Variants in PPP1CB observed in about 807,000 individuals in gnomAD.
The protein encoded by PPP1CB is protein phosphatase 1 catalytic subunit beta.
PPP1CB carries 2 observed loss-of-function variants against 43.7 expected under a neutral mutation model. The observed-to-expected ratio is 0.05, with a 90% CI of 0.02 to 0.14. The LOEUF (loss-of-function observed/expected upper bound fraction) is 0.14. Among genes scored for constraint, PPP1CB ranks in the 10% least tolerant of loss-of-function variants. The pLI is 1.00. For synonymous variants in PPP1CB, 136 were observed against 135.6 expected (o/e 1.00, Z -0.02); for missense variants, 84 against 398.0 (o/e 0.21, Z 6.71).
rs976610984 is a variant in PPP1CB at position 28,783,616 on chromosome 2, A to G, written c.521-291A>G. Among the ~76,000 whole-genome samples, 9 of 152,036 alleles carry G rather than the reference A, an allele frequency of 5.9e-5. No homozygotes were observed. The East Asian group carries it at 7.8e-4, about 13-fold the overall frequency. On this transcript the variant is annotated intron_variant, in intron 4 of 7. Transcript: ENST00000395366. ...ACTAAAAATACAAAAAATTAGCTGGATGTGGTGGCGCGCGTCTGTAGTCCC... is the reference window on the plus strand; with the variant it reads ...ACTAAAAATACAAAAAATTAGCTGGGTGTGGTGGCGCGCGTCTGTAGTCCC...
chr2:28,761,053 A>G (rs989084229), intron 1 of PPP1CB, among the ~76,000 whole-genome samples: 1 of 152,146 alleles, frequency 6.6e-6, no homozygotes, highest in Admixed American at 6.5e-5. Flanking sequence ...GGCGCCTGCC[A>G]CCATGCCCAG....
intron 4 of PPP1CB, among the ~76,000 whole-genome samples, chr2:28,782,265 AAAT>A (rs1667171136): frequency 6.6e-6 from 1 of 152,148 alleles, no homozygotes. Context: ...ATTAACAATA[AAAT>A]AATAAAATAA....
At chr2:28,779,537 T>C (rs1667105709) in intron 3 of PPP1CB, among the ~76,000 whole-genome samples, 1 of 152,216 alleles carries the variant, frequency 6.6e-6, no homozygotes, top group Non-Finnish European at 1.5e-5. Flanking sequence ...TATTTTACTC[T>C]CTTTTTCATT....
intron 6 of PPP1CB, among the ~76,000 whole-genome samples, chr2:28,792,203 G>C (rs1021917920): frequency 1.3e-5 from 2 of 152,034 alleles, no homozygotes; most frequent in Non-Finnish European, 2.9e-5. Flanking sequence ...AGCTGGGCAC[G>C]GTGGCACATG....
At position 28,770,820 on chromosome 2, in the gene PPP1CB, A is replaced by G. The variant is rs548797675; in HGVS notation, c.53-6031A>G. Among the ~76,000 whole-genome samples, 5 of 152,310 alleles carry G rather than the reference A, an allele frequency of 3.3e-5. No individual in the cohort carries two copies. The South Asian group carries it at 6.2e-4, about 19-fold the overall frequency. The stretch of plus-strand genomic sequence containing the variant: ...TATGAAACATTTACTAAAATATACC[A>G]TATGCTATACCATAAAGCACCCCTC... On this transcript the variant is annotated intron_variant, in intron 1 of 7. Transcript: ENST00000395366.
At chr2:28,788,179 T>C (rs889013956) in intron 5 of PPP1CB, among the ~76,000 whole-genome samples, 7 of 152,130 alleles carry the variant, frequency 4.6e-5, no homozygotes, top group African/African-American at 7.2e-5. Flanking sequence ...TGGAGGATAC[T>C]AGCCCTACCA....
At chr2:28,783,834 C>G (rs548489417) in intron 4 of PPP1CB, 73 bp from the exon 5 acceptor site, 159 of 996,668 alleles carry the variant, frequency 1.6e-4, no homozygotes, top group Non-Finnish European at 2.3e-4. Context: ...TGATTAAATG[C>G]TTTTTATTCG....
intron 1 of PPP1CB, among the ~76,000 whole-genome samples, chr2:28,754,653 A>G (rs970333540): frequency 2.6e-5 from 4 of 152,242 alleles, no homozygotes; most frequent in Non-Finnish European, 5.9e-5. Context: ...AGACCTGTTG[A>G]AAGACTTGTC....
chr2:28,796,409 C>A (rs770262218), intron 7 of PPP1CB, among the ~76,000 whole-genome samples: 26 of 152,230 alleles, frequency 1.7e-4, no homozygotes, highest in Admixed American at 4.6e-4. Flanking sequence ...AATATTGATT[C>A]TTCTATCCAT....
chr2:28,767,625 T>C (rs1558300545), intron 1 of PPP1CB, among the ~76,000 whole-genome samples: 1 of 152,206 alleles, frequency 6.6e-6, no homozygotes, highest in Non-Finnish European at 1.5e-5. Context: ...GAGAGTACCA[T>C]ATGTAGTCCA....
Position 28,778,973 on chromosome 2 carries a change from T to G in PPP1CB, c.349T>G (p.Phe117Val). 1 of 1,612,200 alleles carries G rather than the reference T, an allele frequency of 6.2e-7. No homozygotes were observed. The highest frequency in any genetic ancestry group is 8.5e-7 in the Non-Finnish European group (1 of 1,178,262). ...TTATAAAATCAAATATCCAGAGAAC[T>G]TCTTTCTCTTAAGAGGAAACCATGA... is the stretch of plus-strand genomic sequence containing the variant. ...LAYKIKYPEN[F>V]FLLRGNHECA... Residue 117 changes from phenylalanine (F) to valine (V), a missense_variant, in exon 3 of 8, where the codon TTC becomes GTC. Transcript: ENST00000395366.
At chr2:28,792,512 A>G (rs1667410023) in intron 6 of PPP1CB, among the ~76,000 whole-genome samples, 2 of 152,100 alleles carry the variant, frequency 1.3e-5, no homozygotes, top group South Asian at 4.1e-4. Context: ...GCAGAGCGAG[A>G]CCCTGTCTCC....
At chr2:28,755,861 T>C (rs147537232) in intron 1 of PPP1CB, among the ~76,000 whole-genome samples, 5 of 152,344 alleles carry the variant, frequency 3.3e-5, no homozygotes, top group East Asian at 1.9e-4. Flanking sequence ...CCAGTTGATA[T>C]AGTATGTCTA....
rs532982579 is a variant in PPP1CB at position 28,759,580 on chromosome 2, G to A, written c.52+7404G>A. The stretch of plus-strand genomic sequence containing the variant: ...CAATTATATAGAGTACATAATACTT[G>A]ATAATGGTAATAAACAGCTATGTTA... On this transcript the variant is annotated intron_variant, in intron 1 of 7. Coordinates refer to ENST00000395366, the MANE Select transcript of PPP1CB (RefSeq NM_002709.3). Among the ~76,000 whole-genome samples the A allele has an allele frequency of 4.8e-5, 7 of 147,026 alleles. No homozygotes were observed. The South Asian group carries it at 1.5e-3, about 32-fold the overall frequency.
rs952199029 is a variant in PPP1CB, at chr2:28,783,383, G to A, written c.521-524G>A. 5.9e-5 allele frequency among the ~76,000 whole-genome samples: 9 copies of A among 152,122 alleles called. No homozygotes were observed. The East Asian group carries it at 1.7e-3, about 29-fold the overall frequency. On this transcript the variant is annotated intron_variant, in intron 4 of 7. Coordinates refer to ENST00000395366, the MANE Select transcript of PPP1CB (RefSeq NM_002709.3). ...AATATAAAGGAATTTCATTTCCCTG[G>A]TAGGGAAAAATGGAAAAAAACAATT...
chr2:28,767,360 GT>G (rs373082325), intron 1 of PPP1CB, among the ~76,000 whole-genome samples: 76 of 148,234 alleles, frequency 5.1e-4, no homozygotes, highest in African/African-American at 1.5e-3. Flanking sequence ...ATATGTTGTG[GT>G]TTTTTTTTTA....
chr2:28,779,480 T>A (rs1667104380), intron 3 of PPP1CB, among the ~76,000 whole-genome samples: 1 of 152,214 alleles, frequency 6.6e-6, no homozygotes, highest in Admixed American at 6.5e-5. Context: ...TAAATCTATG[T>A]CTGTAAACCT....
chr2:28,761,097 A>G (rs1463078187), intron 1 of PPP1CB, among the ~76,000 whole-genome samples: 2 of 151,998 alleles, frequency 1.3e-5, no homozygotes, highest in East Asian at 1.9e-4. Context: ...TAGAGATGGG[A>G]TTTCACTAAA....
intron 1 of PPP1CB, among the ~76,000 whole-genome samples, chr2:28,771,040 TCC>T (rs58673755): frequency 0.025 from 1,756 of 70,008 alleles, 201 homozygotes; most frequent in East Asian, 0.15. Context: ...TATTCCCTGC[TCC>T]CCCCCCCCCA....
Sources: gnomAD v4.1 joint callset for allele counts (sites outside exome capture counted in the v4.1 genomes callset) on GRCh38, gnomAD v4.1.1 for gene constraint, MANE v1.5 for transcripts, NCBI Gene and HGNC (gene_info 2026-07-23, HGNC 2026-07-21) for gene names.